The following CDH4 variants were observed in gnomAD, a reference collection of about 807,000 sequenced individuals.
The protein encoded by CDH4 is cadherin-4.
Under a neutral mutation model 86.0 loss-of-function variants are expected in CDH4, and 33 were observed. The ratio of observed to expected loss-of-function variants is 0.38; its 90% confidence interval spans 0.29 to 0.51. The LOEUF (loss-of-function observed/expected upper bound fraction) is 0.51, where lower values mean the gene tolerates loss of function less well. Ranked by LOEUF, CDH4 falls within the 20% of genes least tolerant of loss-of-function variation. The probability of loss-of-function intolerance (pLI) is 0.86; values close to 1 mark genes in which losing one functional copy is unlikely to be tolerated. For missense variants in CDH4, 1,114 were observed against 1,307.4 expected, an observed-to-expected ratio of 0.85 and a Z score of 2.28; for synonymous variants, 555 against 549.4, an observed-to-expected ratio of 1.01 and a Z score of -0.14.
At chr20:61,391,181 C>T (rs2084983461) in intron 2 of CDH4, among the ~76,000 whole-genome samples, 1 of 151,986 alleles carries the variant, frequency 6.6e-6, no homozygotes, top group South Asian at 2.1e-4. Flanking sequence ...CCAAGATGTG[C>T]CCACTCTGTG....
At chr20:61,613,085 C>A (rs914112776) in intron 2 of CDH4, among the ~76,000 whole-genome samples, 1 of 152,034 alleles carries the variant, frequency 6.6e-6, no homozygotes, top group Non-Finnish European at 1.5e-5. Flanking sequence ...CTGCCCCTGC[C>A]GAGAGCGGTG....
intron 2 of CDH4, among the ~76,000 whole-genome samples, chr20:61,466,467 A>G (rs551184953): frequency 1.3e-5 from 2 of 152,230 alleles, no homozygotes; most frequent in African/African-American, 2.4e-5. Context: ...GTACAATCCC[A>G]GAATTACCAT....
chr20:61,674,631 A>G (rs1253928462), intron 2 of CDH4, among the ~76,000 whole-genome samples: 2 of 152,224 alleles, frequency 1.3e-5, no homozygotes, highest in Non-Finnish European at 2.9e-5. Context: ...AAAACAGGCA[A>G]CATCCTTGTT....
chr20:61,559,722 T>G (rs1343817984), intron 2 of CDH4, among the ~76,000 whole-genome samples: 1 of 151,948 alleles, frequency 6.6e-6, no homozygotes, highest in East Asian at 1.9e-4. Context: ...TCTCACCATG[T>G]TGACCAAGCT....
intron 2 of CDH4, among the ~76,000 whole-genome samples, chr20:61,341,524 C>CTTTT (rs561277730): frequency 3.8e-5 from 5 of 133,230 alleles, no homozygotes; most frequent in Admixed American, 2.3e-4. Context: ...ACTTTTTTTT[C>CTTTT]TTTTTTTTTT....
intron 4 of CDH4, among the ~76,000 whole-genome samples, chr20:61,806,915 GA>G (rs1980169998): frequency 6.6e-6 from 1 of 152,200 alleles, no homozygotes. Flanking sequence ...ACCTGGGTAA[GA>G]GCCGCTGCAC....
At chr20:61,915,158 G>C (rs1735973620) in intron 9 of CDH4, among the ~76,000 whole-genome samples, 2 of 152,240 alleles carry the variant, frequency 1.3e-5, no homozygotes, top group African/African-American at 4.8e-5. Context: ...AGTGGGGACT[G>C]TACAAGCTGG....
At chr20:61,515,229 C>T (rs2085809988) in intron 2 of CDH4, among the ~76,000 whole-genome samples, 1 of 152,254 alleles carries the variant, frequency 6.6e-6, no homozygotes, top group African/African-American at 2.4e-5. Context: ...CATTTGAGCT[C>T]CCGGTTCTGG....
chr20:61,860,855 A>C (rs1983291722), intron 6 of CDH4, among the ~76,000 whole-genome samples: 2 of 151,612 alleles, frequency 1.3e-5, no homozygotes, highest in African/African-American at 2.4e-5. Flanking sequence ...CTGCAGGAGG[A>C]CTCTGAGACC....
intron 2 of CDH4, among the ~76,000 whole-genome samples, chr20:61,619,829 C>T (rs1188802314): frequency 6.6e-6 from 1 of 152,222 alleles, no homozygotes; most frequent in Non-Finnish European, 1.5e-5. Context: ...ACTCACTTGT[C>T]AGAGTTTGCA....
intron 9 of CDH4, among the ~76,000 whole-genome samples, chr20:61,913,656 A>G (rs928960251): frequency 6.6e-6 from 1 of 152,224 alleles, no homozygotes; most frequent in African/African-American, 2.4e-5. Context: ...ATGGGAAATC[A>G]TCCCCTTCCG....
chr20:61,413,805 C>T (rs779599019), intron 2 of CDH4, among the ~76,000 whole-genome samples: 1 of 152,330 alleles, frequency 6.6e-6, no homozygotes, highest in East Asian at 1.9e-4. Context: ...GTGGCCAGCT[C>T]TCATTCCCCA....
intron 2 of CDH4, among the ~76,000 whole-genome samples, chr20:61,285,051 C>G (rs992860378): frequency 3.3e-5 from 5 of 151,938 alleles, no homozygotes; most frequent in Non-Finnish European, 7.4e-5. Flanking sequence ...TTTTTGCTCT[C>G]TGCTCAGCCC....
At chr20:61,928,725 G>C (rs2122993263) in intron 12 of CDH4, among the ~76,000 whole-genome samples, 1 of 152,360 alleles carries the variant, frequency 6.6e-6, no homozygotes, top group East Asian at 1.9e-4. Context: ...CAGTTGACTG[G>C]ACCCTGACTG....
chr20:61,810,326 C>T lies in CDH4; in HGVS notation c.577-34342C>T, dbSNP rs1980369054. Reference sequence around the variant, plus strand: ...CGGCTGTGCCAGGCTGTCGTCCCCCCCATGAGCCTGCTGTGTGTGTCTGTG... The same window carrying T: ...CGGCTGTGCCAGGCTGTCGTCCCCCTCATGAGCCTGCTGTGTGTGTCTGTG... On this transcript the variant is annotated intron_variant, in intron 4 of 15. Coordinates refer to ENST00000614565, the MANE Select transcript of CDH4 (RefSeq NM_001794.5). This position sits in a 1 kb window ranked among gnomAD's most constrained non-coding sequence, Gnocchi z 4.3. Among the ~76,000 whole-genome samples the T allele has an allele frequency of 6.6e-6, 1 of 152,350 alleles. No individual in the cohort carries two copies. The highest frequency in any genetic ancestry group is 1.9e-4 in the East Asian group (1 of 5,180).
chr20:61,866,186 G>A (rs1360134066), intron 6 of CDH4, among the ~76,000 whole-genome samples: 1 of 152,150 alleles, frequency 6.6e-6, no homozygotes, highest in African/African-American at 2.4e-5. Flanking sequence ...TTGTTTATGA[G>A]CTTCAGCCCC....
At chr20:61,602,107 G>A (rs1568707397) in intron 2 of CDH4, among the ~76,000 whole-genome samples, 1 of 152,162 alleles carries the variant, frequency 6.6e-6, no homozygotes, top group African/African-American at 2.4e-5. Context: ...CCATACTGGG[G>A]GCTGCTGGCG....
intron 8 of CDH4, among the ~76,000 whole-genome samples, chr20:61,908,454 G>A (rs1459714347): frequency 2.0e-5 from 3 of 152,164 alleles, no homozygotes; most frequent in Non-Finnish European, 2.9e-5. Context: ...GAAGGGGCGC[G>A]GGTGGGTCGG....
chr20:61,603,424 C>G (rs1008233467), intron 2 of CDH4, among the ~76,000 whole-genome samples: 1 of 152,154 alleles, frequency 6.6e-6, no homozygotes, highest in Non-Finnish European at 1.5e-5. Flanking sequence ...GACGAGGAGA[C>G]TCTAGGAAAA....
Sources: allele counts gnomAD v4.1 joint callset (sites outside exome capture counted in the v4.1 genomes callset), GRCh38; gene constraint gnomAD v4.1.1; non-coding constraint Gnocchi (gnomAD v3.1); transcripts MANE v1.5; gene names NCBI Gene and HGNC (gene_info 2026-07-23, HGNC 2026-07-21).